The following TRAF1 variants were observed in gnomAD, a reference collection of about 807,000 sequenced individuals.
TRAF1 encodes TNF receptor associated factor 1, also known as TNF receptor-associated factor 1.
TRAF1 carries 23 observed loss-of-function variants against 40.9 expected under a neutral mutation model. That is an observed-to-expected ratio of 0.56 (90% confidence interval 0.40 to 0.80). TRAF1 has a LOEUF of 0.80. Among genes scored for constraint, TRAF1 ranks in the 30% least tolerant of loss-of-function variants. The pLI is 0.00. For synonymous variants in TRAF1, 206 were observed against 218.8 expected, an observed-to-expected ratio of 0.94 and a Z score of 0.52; for missense variants, 477 against 528.7, an observed-to-expected ratio of 0.90 and a Z score of 0.96.
rs191452486 is a variant in TRAF1, at chr9:120,906,978, C to T, written c.1033-1740G>A. 1.3e-4 allele frequency among the ~76,000 whole-genome samples: 20 copies of T among 152,324 alleles called. No individual in the cohort carries two copies. In the East Asian group the frequency reaches 3.7e-3, roughly 28 times the overall value. ...CCACCTCCTGAGTTCAAGCGATTCT[C>T]GTGCCTCAGCCTCCAGAGTAGATGG... On this transcript the variant is annotated intron_variant, in intron 7 of 7. Transcript: ENST00000373887.
chr9:120,914,164 G>C (rs2046552250), intron 4 of TRAF1, 71 bp downstream of exon 4: 1 of 1,290,366 alleles, frequency 7.7e-7, no homozygotes, highest in South Asian at 2.1e-5. Flanking sequence ...TCATGGAGGG[G>C]CTGCAGTGGG....
chr9:120,902,457 T>C lies in TRAF1; in HGVS notation c.*2563A>G, dbSNP rs971865590. 1 of 145,392 alleles carries C rather than the reference T, an allele frequency of 6.9e-6. No individual in the cohort carries two copies. Among genetic ancestry groups the C allele is most frequent in the African/African-American group, 2.6e-5 (1 of 38,780 alleles). The allele number at this position is 145,392 out of a possible 1,614,324, so 9.0% of individuals were successfully genotyped here. On this transcript the variant is annotated 3_prime_UTR_variant, in exon 8 of 8. Coordinates refer to ENST00000373887, the MANE Select transcript of TRAF1 (RefSeq NM_005658.5). ...AGTGTCTTAAATTATCATCTCATCC[T>C]GCTTTCAATAGGCCCAGGGTTACCA...
intron 3 of TRAF1, among the ~76,000 whole-genome samples, chr9:120,917,689 C>A (rs1318109727): frequency 6.6e-6 from 1 of 152,144 alleles, no homozygotes; most frequent in Non-Finnish European, 1.5e-5. Flanking sequence ...GCCTGCACTC[C>A]TTGGCTTGTG....
chr9:120,905,697 T>C (rs937139950), intron 7 of TRAF1, among the ~76,000 whole-genome samples: 4 of 152,214 alleles, frequency 2.6e-5, no homozygotes, highest in African/African-American at 9.7e-5. Flanking sequence ...AGAGGTCTTC[T>C]ACTGAGGGGC....
At chr9:120,909,201 C>T in intron 7 of TRAF1, 29 bp downstream of exon 7, 1 of 1,609,512 alleles carries the variant, frequency 6.2e-7, no homozygotes, top group Non-Finnish European at 8.5e-7. Flanking sequence ...ATGCTCCCCA[C>T]CTTACCCCCA....
At position 120,909,481 on chromosome 9, in the gene TRAF1, T is replaced by G. The variant is rs12377786; in HGVS notation, c.884-103A>C. ...GCCCAAGGTCAGCGGCTCAAAACCATGAAAGATGGGGTTAGAACCCAGCAT... is the reference window on the plus strand; with the variant it reads ...GCCCAAGGTCAGCGGCTCAAAACCAGGAAAGATGGGGTTAGAACCCAGCAT... On this transcript the variant is annotated intron_variant, in intron 6 of 7. Coordinates refer to ENST00000373887, the MANE Select transcript of TRAF1 (RefSeq NM_005658.5). 21,968 of 1,393,046 alleles carry G rather than the reference T, an allele frequency of 0.016. 1,369 individuals are homozygous for G. The African/African-American group carries it at 0.19, about 12-fold the overall frequency. 86.3% of individuals were successfully genotyped at this position (1,393,046 alleles called of 1,614,324 possible). A position where few individuals can be genotyped will look rare whatever the true frequency, so the allele number is the denominator to read the frequency against.
Position 120,913,652 on chromosome 9 carries a change from CT to C in TRAF1, c.380del (p.Lys127ArgfsTer56). On this transcript the variant is annotated frameshift_variant, in exon 5 of 8. Transcript: ENST00000373887. LOFTEE classifies it high-confidence loss of function. ...NLLLGFMKQW[K>X]ARLGCGLESG... ...ACTCCAGGCCACAGCCCAGCCGGGCCTTCCACTGTTTCATGAACCCCAACAG... is the reference window on the plus strand; with the variant it reads ...ACTCCAGGCCACAGCCCAGCCGGGCCTCCACTGTTTCATGAACCCCAACAG... 1.9e-6 allele frequency: 3 copies of C among 1,613,548 alleles called. No individual in the cohort carries two copies. The highest frequency in any genetic ancestry group is 1.7e-6 in the Non-Finnish European group (2 of 1,179,652).
In TRAF1 at chr9:120,911,319, C is replaced by T. The variant is rs1158828543; in HGVS notation, c.883+17G>A. ...CTGTTTCCCCAGGCAGGTCTCTGTGCCCCTGGGAGGTGTTACCTGGGGAGA... is the reference window on the plus strand; with the variant it reads ...CTGTTTCCCCAGGCAGGTCTCTGTGTCCCTGGGAGGTGTTACCTGGGGAGA... On this transcript the variant is annotated intron_variant, in intron 6 of 7. Coordinates refer to ENST00000373887, the MANE Select transcript of TRAF1 (RefSeq NM_005658.5). The T allele has an allele frequency of 7.5e-6, 12 of 1,609,110 alleles. No homozygotes were observed. The highest frequency in any genetic ancestry group is 1.0e-5 in the Non-Finnish European group (12 of 1,177,024).
chr9:120,915,089 C>T (rs2131627222), intron 3 of TRAF1, among the ~76,000 whole-genome samples: 1 of 152,296 alleles, frequency 6.6e-6, no homozygotes, highest in East Asian at 1.9e-4. Context: ...CTCCCACGCA[C>T]ATCACTACCT....
Position 120,904,950 on chromosome 9 carries a change from A to G in TRAF1, c.*70T>C. The G allele has an allele frequency of 6.8e-7, 1 of 1,479,010 alleles. No homozygotes were observed. Among genetic ancestry groups the G allele is most frequent in the Non-Finnish European group, 9.2e-7 (1 of 1,084,976 alleles). The allele number at this position is 1,479,010 out of a possible 1,614,324, so 91.6% of individuals were successfully genotyped here. ...TTGTGCCCTGAGGTCTTGGGTGCCA[A>G]GGGCAGGGCATCACAGTCCTCTGGC... On this transcript the variant is annotated 3_prime_UTR_variant, in exon 8 of 8. Transcript: ENST00000373887.
chr9:120,907,947 C>A (rs1428931530), intron 7 of TRAF1, among the ~76,000 whole-genome samples: 1 of 152,108 alleles, frequency 6.6e-6, no homozygotes, highest in Non-Finnish European at 1.5e-5. Flanking sequence ...AGCTAGAGTG[C>A]AGTGGCAAGG....
intron 3 of TRAF1, among the ~76,000 whole-genome samples, chr9:120,916,756 T>C (rs886323153): frequency 5.3e-5 from 8 of 151,454 alleles, no homozygotes; most frequent in African/African-American, 1.5e-4. Flanking sequence ...AAACAGATGT[T>C]CTATGGAAGG....
chr9:120,910,941 G>A (rs767541655), intron 6 of TRAF1, among the ~76,000 whole-genome samples: 1 of 152,220 alleles, frequency 6.6e-6, no homozygotes, highest in Non-Finnish European at 1.5e-5. Context: ...AGGCCACGGT[G>A]TTCACTTGTG....
At chr9:120,906,315 G>A (rs1588147300) in intron 7 of TRAF1, among the ~76,000 whole-genome samples, 1 of 151,914 alleles carries the variant, frequency 6.6e-6, no homozygotes, top group East Asian at 1.9e-4. Flanking sequence ...AAGTAACTGG[G>A]ATTACAGGCA....
At chr9:120,910,139 T>G (rs2046515316) in intron 6 of TRAF1, among the ~76,000 whole-genome samples, 1 of 152,108 alleles carries the variant, frequency 6.6e-6, no homozygotes, top group African/African-American at 2.4e-5. Context: ...GGGACATGAA[T>G]TGGGGGCAGG....
chr9:120,925,930 C>A lies in TRAF1; in HGVS notation c.140+6G>T, dbSNP rs749386065. 2.5e-6 allele frequency: 4 copies of A among 1,613,970 alleles called. No homozygotes were observed. Among genetic ancestry groups the A allele is most frequent in the Non-Finnish European group, 2.5e-6 (3 of 1,179,930 alleles). On this transcript the variant is annotated splice_donor_region_variant and intron_variant, in intron 2 of 7. Transcript: ENST00000373887. ...CTGCCCACCCTCCGCTCCTCCATCA[C>A]CTCACCTCGGGTTCTCAGAGAGACA...
At chr9:120,918,718 G>A (rs1464067218) in intron 3 of TRAF1, among the ~76,000 whole-genome samples, 1 of 152,204 alleles carries the variant, frequency 6.6e-6, no homozygotes, top group Non-Finnish European at 1.5e-5. Context: ...AGGTGGGGCT[G>A]TATTAGAGTC....
intron 3 of TRAF1, among the ~76,000 whole-genome samples, chr9:120,920,520 AGGG>A (rs1021547917): frequency 8.5e-6 from 1 of 118,086 alleles, no homozygotes; most frequent in Non-Finnish European, 1.7e-5. Flanking sequence ...AATGGGCCTC[AGGG>A]GGAGGGGGTG....
chr9:120,909,137 T>C (rs929169236), intron 7 of TRAF1, 93 bp downstream of exon 7: 88 of 1,487,672 alleles, frequency 5.9e-5, no homozygotes, highest in Non-Finnish European at 7.5e-5. Context: ...GTGGGGGACT[T>C]GCCAGGTCAC....
Sources: allele counts gnomAD v4.1 joint callset (sites outside exome capture counted in the v4.1 genomes callset), GRCh38; gene constraint gnomAD v4.1.1; transcripts MANE v1.5; gene names NCBI Gene and HGNC (gene_info 2026-07-23, HGNC 2026-07-21).